WWOX: variants seen among roughly 807,000 people sequenced by gnomAD.
WWOX encodes WW domain-containing oxidoreductase.
Under a neutral mutation model 46.2 loss-of-function variants are expected in WWOX, and 69 were observed. The ratio of observed to expected loss-of-function variants is 1.49; its 90% CI spans 1.23 to 1.82. The LOEUF is 1.82. WWOX is among the 40% of genes most tolerant of loss of function. The pLI is 0.00. For missense variants in WWOX, 919 were observed against 542.6 expected (o/e 1.69, Z -6.89); for synonymous variants, 359 against 202.6 (o/e 1.77, Z -6.56).
At chr16:78,820,010 G>A (rs941698693) in intron 8 of WWOX, among the ~76,000 whole-genome samples, 4 of 152,158 alleles carry the variant, frequency 2.6e-5, no homozygotes, top group African/African-American at 7.2e-5. Flanking sequence ...GTAATGTGGT[G>A]ATATGGAGGA....
intron 6 of WWOX, among the ~76,000 whole-genome samples, chr16:78,396,378 G>T (rs748317923): frequency 6.6e-6 from 1 of 151,964 alleles, no homozygotes; most frequent in Admixed American, 6.6e-5. Context: ...AAATGTGTTC[G>T]AATTAACCAC....
At chr16:78,160,161 G>A in intron 4 of WWOX, among the ~76,000 whole-genome samples, 1 of 151,656 alleles carries the variant, frequency 6.6e-6, no homozygotes, top group East Asian at 1.9e-4. Flanking sequence ...GATCATCTTG[G>A]ATGCTTAGAT....
chr16:78,825,621 C>T (rs150772366), intron 8 of WWOX: 29 of 519,122 alleles, frequency 5.6e-5, no homozygotes, highest in Middle Eastern at 6.6e-4. Context: ...GCTTACTGTG[C>T]GGAGGGCCTG....
At chr16:79,106,464 CT>C (rs1449628289) in intron 8 of WWOX, among the ~76,000 whole-genome samples, 12 of 151,964 alleles carry the variant, frequency 7.9e-5, no homozygotes, top group Non-Finnish European at 1.8e-4. Flanking sequence ...TCTGGGGACA[CT>C]TTTTGGTCCC....
intron 5 of WWOX, among the ~76,000 whole-genome samples, chr16:78,229,825 C>T (rs983853307): frequency 6.6e-6 from 1 of 152,022 alleles, no homozygotes; most frequent in Non-Finnish European, 1.5e-5. Context: ...GTTCTTTCTC[C>T]CCAAGAGCCA....
chr16:79,029,845 T>C (rs1000899458), intron 8 of WWOX, among the ~76,000 whole-genome samples: 21 of 152,338 alleles, frequency 1.4e-4, no homozygotes, highest in African/African-American at 4.8e-4. Flanking sequence ...TTGTTTACTG[T>C]CTTCAAACTT....
chr16:78,945,869 C>A (rs75692576), intron 8 of WWOX, among the ~76,000 whole-genome samples: 1 of 152,084 alleles, frequency 6.6e-6, no homozygotes, highest in Admixed American at 6.6e-5. Flanking sequence ...GGATAAGGAG[C>A]CAGTCCTGGC....
chr16:78,933,048 G>C (rs767530439), intron 8 of WWOX, among the ~76,000 whole-genome samples: 9 of 152,208 alleles, frequency 5.9e-5, no homozygotes, highest in Non-Finnish European at 8.8e-5. Flanking sequence ...ATGAGACAGA[G>C]GGCTGGACTG....
chr16:79,157,534 A>C (rs983712266), intron 8 of WWOX, among the ~76,000 whole-genome samples: 5 of 152,126 alleles, frequency 3.3e-5, no homozygotes, highest in Non-Finnish European at 7.4e-5. Context: ...GGCATTTGGC[A>C]TGTAGTGGAA....
intron 8 of WWOX, among the ~76,000 whole-genome samples, chr16:79,069,353 A>G (rs760343431): frequency 6.6e-6 from 1 of 152,234 alleles, no homozygotes; most frequent in Non-Finnish European, 1.5e-5. Flanking sequence ...AAAAGAGCCC[A>G]GTGATTGGGA....
intron 8 of WWOX, among the ~76,000 whole-genome samples, chr16:79,035,252 A>G (rs565000354): frequency 5.3e-5 from 8 of 152,294 alleles, no homozygotes; most frequent in African/African-American, 1.9e-4. Flanking sequence ...ACCTTCCAGA[A>G]TCATTGGCCC....
intron 8 of WWOX, among the ~76,000 whole-genome samples, chr16:78,542,982 C>A (rs1002594010): frequency 6.6e-6 from 1 of 152,146 alleles, no homozygotes; most frequent in Non-Finnish European, 1.5e-5. Context: ...AACAATTTTT[C>A]CTTTCATGGT....
intron 8 of WWOX, among the ~76,000 whole-genome samples, chr16:78,907,624 C>G (rs576587792): frequency 2.0e-5 from 3 of 152,192 alleles, no homozygotes; most frequent in Non-Finnish European, 4.4e-5. Context: ...TAGATCAGAT[C>G]TCTTTCACGG....
intron 3 of WWOX, among the ~76,000 whole-genome samples, chr16:78,112,776 T>C (rs565854709): frequency 3.3e-5 from 5 of 151,698 alleles, no homozygotes; most frequent in Admixed American, 2.6e-4. Flanking sequence ...CACAGCTCGC[T>C]GCAGCCTCAA....
intron 5 of WWOX, among the ~76,000 whole-genome samples, chr16:78,221,579 A>T (rs762617752): frequency 6.6e-6 from 1 of 152,196 alleles, no homozygotes; most frequent in Non-Finnish European, 1.5e-5. Flanking sequence ...AGAGAAGTAG[A>T]TAAGAAAAAC....
At chr16:78,278,655 A>T (rs111447549) in intron 5 of WWOX, 9 of 1,609,972 alleles carry the variant, frequency 5.6e-6, no homozygotes, top group Non-Finnish European at 7.6e-6. Context: ...ATTTTCCACT[A>T]GCAAAAGAAG....
At chr16:78,759,579 C>T (rs1217252203) in intron 8 of WWOX, among the ~76,000 whole-genome samples, 1 of 152,082 alleles carries the variant, frequency 6.6e-6, no homozygotes, top group African/African-American at 2.4e-5. Context: ...TAAACTAACC[C>T]TCTAAAGAAT....
intron 8 of WWOX, among the ~76,000 whole-genome samples, chr16:78,761,963 A>C (rs1010424035): frequency 1.3e-5 from 2 of 152,146 alleles, no homozygotes; most frequent in African/African-American, 2.4e-5. Context: ...CCACCTAGGA[A>C]ATGTTTGAGA....
At chr16:78,271,858 A>G (rs978389006) in intron 5 of WWOX, among the ~76,000 whole-genome samples, 8 of 152,274 alleles carry the variant, frequency 5.3e-5, no homozygotes, top group South Asian at 4.1e-4. Flanking sequence ...ACACAGCCCA[A>G]AGAGCATGGT....
Sources: allele counts gnomAD v4.1 joint callset (sites outside exome capture counted in the v4.1 genomes callset), GRCh38; gene constraint gnomAD v4.1.1; transcripts MANE v1.5; gene names NCBI Gene and HGNC (gene_info 2026-07-23, HGNC 2026-07-21).